CNST: variants seen among roughly 807,000 people sequenced by gnomAD.
CNST encodes consortin, connexin sorting protein, also known as consortin.
In CNST, 39 loss-of-function variants were observed where a neutral mutation model predicts 72.4. The observed-to-expected ratio is 0.54, with a 90% CI of 0.42 to 0.70. The LOEUF (loss-of-function observed/expected upper bound fraction) is 0.70. Among genes scored for constraint, CNST ranks in the 30% least tolerant of loss-of-function variants. CNST has a pLI of 0.00. For missense variants in CNST, 871 were observed against 868.5 expected (o/e 1.00, Z -0.04); for synonymous variants, 332 against 320.1 (o/e 1.04, Z -0.40).
intron 3 of CNST, among the ~76,000 whole-genome samples, chr1:246,631,069 G>A (rs12408393): frequency 0.28 from 42,395 of 152,052 alleles, 6,662 homozygotes; most frequent in East Asian, 0.67. Context: ...AGAATACAGA[G>A]TTTATGCAAT....
chr1:246,567,041 C>G (rs531247691), intron 1 of CNST, among the ~76,000 whole-genome samples: 6 of 142,226 alleles, frequency 4.2e-5, no homozygotes, highest in South Asian at 2.5e-4. Context: ...ATTTCCCCCC[C>G]ACACCTGGTC....
intron 10 of CNST, among the ~76,000 whole-genome samples, chr1:246,664,648 G>A (rs182955172): frequency 1.6e-3 from 237 of 151,582 alleles, no homozygotes; most frequent in African/African-American, 2.2e-3. Context: ...GGATGGTCTC[G>A]ATCTCCTGAC....
At chr1:246,567,053 C>T (rs1414712339) in intron 1 of CNST, among the ~76,000 whole-genome samples, 1 of 142,638 alleles carries the variant, frequency 7.0e-6, no homozygotes, top group East Asian at 2.4e-4. Flanking sequence ...CACCTGGTCC[C>T]CCCCATCACT....
chr1:246,605,957 A>G (rs1330023110), intron 2 of CNST: 24 of 151,746 alleles, frequency 1.6e-4, no homozygotes, highest in African/African-American at 4.1e-4. Context: ...GGAGTTATTC[A>G]TCCCCCCAAG....
chr1:246,660,092 C>T, intron 9 of CNST, 107 bp from the exon 10 acceptor site: 2 of 832,540 alleles, frequency 2.4e-6, no homozygotes, highest in Non-Finnish European at 1.9e-6. Flanking sequence ...GAATTGGATA[C>T]CCCTGTAATA....
Position 246,660,248 on chromosome 1 carries a change from C to G in CNST, c.1886C>G (p.Thr629Ser). Residue 629 changes from threonine (T) to serine (S), a missense_variant, in exon 10 of 11, where the codon ACT becomes AGT. Thr to Ser is a moderately conservative substitution (Grantham distance 58, BLOSUM62 1). Coordinates refer to ENST00000366513, the MANE Select transcript of CNST (RefSeq NM_152609.3). Reference protein sequence around the residue: ...LVSILKKRNDTVGDHPAQMQH... With the variant: ...LVSILKKRNDSVGDHPAQMQH... Reference sequence around the variant, plus strand: ...TCCATATTAAAGAAGAGGAATGATACTGTAGGAGATCATCCTGCCCAAATG... The same window carrying G: ...TCCATATTAAAGAAGAGGAATGATAGTGTAGGAGATCATCCTGCCCAAATG... The G allele has an allele frequency of 6.2e-7, 1 of 1,612,062 alleles. No individual in the cohort carries two copies. The highest frequency in any genetic ancestry group is 1.1e-5 in the South Asian group (1 of 91,002).
At chr1:246,659,395 C>A (rs369311987) in intron 9 of CNST, among the ~76,000 whole-genome samples, 4 of 152,234 alleles carry the variant, frequency 2.6e-5, no homozygotes, top group Admixed American at 1.3e-4. Context: ...GAGATCGAGA[C>A]CATCCTGGCT....
At chr1:246,611,388 G>A (rs926963486) in intron 2 of CNST, among the ~76,000 whole-genome samples, 1 of 152,080 alleles carries the variant, frequency 6.6e-6, no homozygotes. Context: ...GAAGCTGCCT[G>A]TTCTGTCATT....
chr1:246,636,861 G>A (rs371628355), intron 6 of CNST, among the ~76,000 whole-genome samples: 1 of 152,220 alleles, frequency 6.6e-6, no homozygotes, highest in Non-Finnish European at 1.5e-5. Flanking sequence ...AGTATGGTGA[G>A]TGAAGGATTG....
rs1225928961 is a variant in CNST at position 246,614,592 on chromosome 1, C to T, written c.380-6837C>T. On this transcript the variant is annotated intron_variant, in intron 2 of 10. Coordinates refer to ENST00000366513, the MANE Select transcript of CNST (RefSeq NM_152609.3). ...GTTCAAGTGATTCTCCTGCCTCAGC[C>T]TCCTGAGTAGCTGGGATTATAGGCA... is the stretch of plus-strand genomic sequence containing the variant. Among the ~76,000 whole-genome samples the T allele has an allele frequency of 3.3e-5, 5 of 151,796 alleles. No homozygotes were observed. The South Asian group carries it at 1.0e-3, about 32-fold the overall frequency.
intron 10 of CNST, among the ~76,000 whole-genome samples, chr1:246,661,220 C>T (rs1483757215): frequency 6.6e-6 from 1 of 152,072 alleles, no homozygotes; most frequent in African/African-American, 2.4e-5. Context: ...TTAGGATCTG[C>T]CTGCCTTGGC....
intron 1 of CNST, among the ~76,000 whole-genome samples, chr1:246,583,607 A>G (rs962481045): frequency 6.6e-6 from 1 of 152,130 alleles, no homozygotes; most frequent in Non-Finnish European, 1.5e-5. Context: ...TGTTGTAGAC[A>G]CTCAAAATTG....
intron 1 of CNST, among the ~76,000 whole-genome samples, chr1:246,575,928 A>G (rs1326212323): frequency 6.6e-6 from 1 of 152,098 alleles, no homozygotes; most frequent in Admixed American, 6.5e-5. Flanking sequence ...ACATTCTCAT[A>G]TAAGATTTCA....
chr1:246,625,414 C>CTTTTTTTTTTTT (rs61588900), intron 3 of CNST, among the ~76,000 whole-genome samples: 1 of 56,106 alleles, frequency 1.8e-5, no homozygotes, highest in South Asian at 9.3e-4. Context: ...TTATTTCTTT[C>CTTTTTTTTTTTT]TTTTTTTTTT....
At chr1:246,644,851 C>T (rs1665943469) in intron 8 of CNST, among the ~76,000 whole-genome samples, 1 of 152,166 alleles carries the variant, frequency 6.6e-6, no homozygotes, top group African/African-American at 2.4e-5. Context: ...GTGGCTTGGC[C>T]CCCTTTCCTT....
chr1:246,566,935 A>G, intron 1 of CNST: 1 of 322,322 alleles, frequency 3.1e-6, no homozygotes, highest in East Asian at 4.7e-5. Flanking sequence ...GTCGTTCCTC[A>G]CCCGGCTCCT....
Position 246,647,593 on chromosome 1 carries a change from T to G in CNST, c.1392T>G (p.Leu464=). Residue 464 remains leucine (L), a synonymous_variant, in exon 9 of 11, where the codon CTT becomes CTG. Coordinates refer to ENST00000366513, the MANE Select transcript of CNST (RefSeq NM_152609.3). ...AGAGGAAAGAACTCCGTTTGCCACT[T>G]CGGGATGCTTCTGAGGCGTTGCCCA... The part of the protein sequence containing the change: ...QAQRKELRLP[L]RDASEALPTD... 1 of 1,614,202 alleles carries G rather than the reference T, an allele frequency of 6.2e-7. No individual in the cohort carries two copies.
intron 1 of CNST, among the ~76,000 whole-genome samples, chr1:246,581,412 C>T (rs1444418278): frequency 3.3e-5 from 5 of 152,254 alleles, no homozygotes; most frequent in Non-Finnish European, 5.9e-5. Flanking sequence ...TACAGGCATG[C>T]GCCTCCACGC....
chr1:246,591,606 CACA>C lies in CNST; in HGVS notation c.46_48del (p.Gln16del). ...CCTACATATTATCTGCAAATAGAAC[CACA>C]AGATGGATGTCATCCTGGTGACAGC... On this transcript the variant is annotated inframe_deletion, in exon 2 of 11. Transcript: ENST00000366513. 3 of 1,614,064 alleles carry C rather than the reference CACA, an allele frequency of 1.9e-6. No homozygotes were observed. The highest frequency in any genetic ancestry group is 2.5e-6 in the Non-Finnish European group (3 of 1,179,948).
Sources: gnomAD v4.1 joint callset for allele counts (sites outside exome capture counted in the v4.1 genomes callset) on GRCh38, gnomAD v4.1.1 for gene constraint, MANE v1.5 for transcripts, NCBI Gene and HGNC (gene_info 2026-07-23, HGNC 2026-07-21) for gene names.